NFXL1: variants seen among roughly 807,000 people sequenced by gnomAD.
NFXL1 encodes the protein nuclear transcription factor, X-box binding like 1, also known as NF-X1-type zinc finger protein NFXL1.
NFXL1 carries 66 observed loss-of-function variants against 123.3 expected under a neutral mutation model. The ratio of observed to expected loss-of-function variants is 0.54; its 90% CI spans 0.44 to 0.66. The LOEUF (loss-of-function observed/expected upper bound fraction) is 0.66, where lower values mean the gene tolerates loss of function less well. NFXL1 is among the 30% of genes least tolerant of loss of function. The pLI is 0.00. For synonymous variants in NFXL1, 346 were observed against 360.8 expected, an observed-to-expected ratio of 0.96 and a Z score of 0.46; for missense variants, 944 against 1,125.6, an observed-to-expected ratio of 0.84 and a Z score of 2.31.
chr4:47,912,537 C>T (rs1737882585), intron 2 of NFXL1, among the ~76,000 whole-genome samples: 1 of 148,276 alleles, frequency 6.7e-6, no homozygotes. Context: ...TCGGCTACTG[C>T]AAGCTCCGCC....
At chr4:47,885,322 C>T (rs974927388) in intron 14 of NFXL1, among the ~76,000 whole-genome samples, 176 bp downstream of exon 14, 1 of 152,086 alleles carries the variant, frequency 6.6e-6, no homozygotes, top group African/African-American at 2.4e-5. Context: ...GGTTTCACTC[C>T]TTTCCTACAC....
intron 20 of NFXL1, among the ~76,000 whole-genome samples, chr4:47,852,966 T>G (rs907336536): frequency 3.6e-5 from 5 of 139,862 alleles, no homozygotes; most frequent in East Asian, 2.1e-4. Flanking sequence ...ACTTGGAGGG[T>G]TTTTTTTTTT....
intron 15 of NFXL1, 66 bp from the exon 16 acceptor site, chr4:47,879,183 C>A: frequency 1.6e-6 from 1 of 630,676 alleles, no homozygotes; most frequent in Non-Finnish European, 2.6e-6. Flanking sequence ...CCTAAAGATG[C>A]TAACTCTACT....
Position 47,875,137 on chromosome 4 carries a change from C to T in NFXL1, c.2236G>A (p.Val746Met), listed in dbSNP as rs1215125989. 1 of 1,605,588 alleles carries T rather than the reference C, an allele frequency of 6.2e-7. No homozygotes were observed. The highest frequency in any genetic ancestry group is 2.2e-5 in the East Asian group (1 of 44,746). The change falls in exon 18 of 23, where the codon GTG (valine) becomes ATG (methionine). Residue 746 changes from valine to methionine, a missense_variant. Physicochemically the swap from Val to Met is conservative, Grantham distance 21. Around this residue, in one of 4 missense-constraint regions of NFXL1, gnomAD observed 301 missense variants for 348.0 expected, o/e 0.86. Coordinates refer to ENST00000507489, the MANE Select transcript of NFXL1 (RefSeq NM_001278624.2). ...KCHCKITSLY[V>M]ECRKITTADV... ...TTTCAGTCTACTTACCTACATTCCA[C>T]ATACAGGCTTGTGATCTTACAGTGA...
At position 47,871,493 on chromosome 4, in the gene NFXL1, G is replaced by A. The variant is rs1453940551; in HGVS notation, c.2246+3634C>T. ...GAAGCATCTGGGCACACATGCACGT[G>A]TGTTGTTCTTGAGAGCTTTTTCTAT... On this transcript the variant is annotated intron_variant, in intron 18 of 22. Coordinates refer to ENST00000507489, the MANE Select transcript of NFXL1 (RefSeq NM_001278624.2). Among the ~76,000 whole-genome samples the A allele has an allele frequency of 2.6e-5, 4 of 152,208 alleles. No individual in the cohort carries two copies. In the East Asian group the frequency reaches 7.7e-4, roughly 29 times the overall value.
At chr4:47,905,178 T>TA in intron 4 of NFXL1, 59 bp downstream of exon 4, 1 of 674,078 alleles carries the variant, frequency 1.5e-6, no homozygotes, top group Non-Finnish European at 2.6e-6. Context: ...TTAAGTATTG[T>TA]AAGGCAAACT....
chr4:47,852,752 A>G (rs866075057), intron 20 of NFXL1, among the ~76,000 whole-genome samples: 26 of 152,112 alleles, frequency 1.7e-4, no homozygotes, highest in Admixed American at 1.4e-3. Context: ...TGCCTTTTGT[A>G]GTACATCTAT....
chr4:47,889,848 T>C (rs764023568), intron 12 of NFXL1, among the ~76,000 whole-genome samples: 4 of 152,162 alleles, frequency 2.6e-5, no homozygotes, highest in Non-Finnish European at 4.4e-5. Context: ...ACATGCATAG[T>C]TTTCCAGAAG....
At position 47,890,666 on chromosome 4, in the gene NFXL1, C is replaced by T; in HGVS notation, c.1490G>A (p.Cys497Tyr). 1 of 1,611,292 alleles carries T rather than the reference C, an allele frequency of 6.2e-7. No homozygotes were observed. The highest frequency in any genetic ancestry group is 8.5e-7 in the Non-Finnish European group (1 of 1,177,694). ...PGNCPPCDQN[C>Y]GRTLGCRNHK... is the part of the protein sequence containing the mutation. ...GTTTCTACATCCTAAAGTCCGTCCA[C>T]AGTTTTGATCACAAGGTGGACAGTT... The change falls in exon 12 of 23, where the codon TGT (cysteine) becomes TAT (tyrosine). Residue 497 changes from cysteine to tyrosine, a missense_variant. Coordinates refer to ENST00000507489, the MANE Select transcript of NFXL1 (RefSeq NM_001278624.2).
At chr4:47,868,420 AAAC>A (rs1401378297) in intron 18 of NFXL1, among the ~76,000 whole-genome samples, 1 of 144,380 alleles carries the variant, frequency 6.9e-6, no homozygotes, top group Admixed American at 7.1e-5. Flanking sequence ...ACATGCAACT[AAAC>A]AATGAGAAGA....
intron 18 of NFXL1, among the ~76,000 whole-genome samples, chr4:47,870,391 T>G (rs1272940216): frequency 1.3e-5 from 2 of 151,974 alleles, no homozygotes; most frequent in African/African-American, 4.8e-5. Context: ...ACACACACAC[T>G]CAAGAAAACA....
chr4:47,854,662 A>G (rs1734297869), intron 20 of NFXL1, among the ~76,000 whole-genome samples: 1 of 152,160 alleles, frequency 6.6e-6, no homozygotes, highest in Non-Finnish European at 1.5e-5. Context: ...AGAATTTCAT[A>G]AATAACAGCA....
intron 17 of NFXL1, among the ~76,000 whole-genome samples, chr4:47,876,012 T>C (rs1735729166): frequency 6.6e-6 from 1 of 152,132 alleles, no homozygotes; most frequent in Non-Finnish European, 1.5e-5. Flanking sequence ...ATAAGAGAGC[T>C]ATAGACATGG....
chr4:47,868,212 G>A (rs771876657), intron 18 of NFXL1, among the ~76,000 whole-genome samples: 4 of 152,054 alleles, frequency 2.6e-5, no homozygotes, highest in African/African-American at 7.2e-5. Context: ...CCAGCTACGC[G>A]GGAGGCTTAG....
At chr4:47,908,954 C>CAAAAAAA in intron 3 of NFXL1, among the ~76,000 whole-genome samples, 2 of 90,506 alleles carry the variant, frequency 2.2e-5, no homozygotes, top group Non-Finnish European at 4.1e-5. Flanking sequence ...GACTCCGTCG[C>CAAAAAAA]AAAAAAAAAA....
chr4:47,859,841 CAAAAAAAAA>C (rs938207203), intron 19 of NFXL1, among the ~76,000 whole-genome samples: 285 of 14,260 alleles, frequency 0.02, 1 homozygote, highest in South Asian at 0.039. Context: ...GACTCCATCT[CAAAAAAAAA>C]AAAAAAAAAA....
intron 18 of NFXL1, among the ~76,000 whole-genome samples, chr4:47,868,456 C>CAAAAT (rs3028700): frequency 0.73 from 111,064 of 151,294 alleles, 40,983 homozygotes; most frequent in South Asian, 0.76. Context: ...AAAAGGCAAA[C>CAAAAT]AAACTCACTG....
At chr4:47,889,483 TTC>T (rs1201238932) in intron 12 of NFXL1, among the ~76,000 whole-genome samples, 1 of 152,182 alleles carries the variant, frequency 6.6e-6, no homozygotes, top group Non-Finnish European at 1.5e-5. Context: ...CTGCGACTAG[TTC>T]TATTAACCTT....
intron 3 of NFXL1, among the ~76,000 whole-genome samples, chr4:47,906,610 A>C (rs188872697): frequency 7.0e-4 from 106 of 152,308 alleles, no homozygotes; most frequent in Admixed American, 1.1e-3. Context: ...AAAGCAGAAT[A>C]GTATGGGGCG....
Sources: allele counts gnomAD v4.1 joint callset (sites outside exome capture counted in the v4.1 genomes callset), GRCh38; gene constraint gnomAD v4.1.1; regional missense constraint gnomAD v4.1.1; transcripts MANE v1.5; gene names NCBI Gene and HGNC (gene_info 2026-07-23, HGNC 2026-07-21).